Variants in CDH5 observed in about 807,000 individuals in gnomAD.
The protein encoded by CDH5 is cadherin 5, also known as cadherin-5.
A neutral mutation model predicts 62.0 loss-of-function variants in CDH5; 28 were observed. The ratio of observed to expected loss-of-function variants is 0.45; its 90% CI spans 0.33 to 0.62. The LOEUF (loss-of-function observed/expected upper bound fraction) is 0.62. CDH5 is among the 20% of genes least tolerant of loss of function. CDH5 has a pLI of 0.02. For missense variants in CDH5, 940 were observed against 1,065.1 expected, an observed-to-expected ratio of 0.88 and a Z score of 1.63; for synonymous variants, 464 against 445.8, an observed-to-expected ratio of 1.04 and a Z score of -0.52.
In CDH5 at chr16:66,389,469, C is replaced by T. The variant is rs1961044406; in HGVS notation, c.728C>T (p.Thr243Ile). The change falls in exon 5 of 12, where the codon ACC becomes ATC. Residue 243 changes from threonine (T) to isoleucine (I), a missense_variant. Physicochemically the swap from Thr to Ile is moderately conservative, Grantham distance 89 (BLOSUM62 -1). Coordinates refer to ENST00000341529, the MANE Select transcript of CDH5 (RefSeq NM_001795.5). ...QGLRGDSGTA[T>I]VLVTLQDIND... is the part of the protein sequence containing the mutation. ...CTCCGGGGGGACTCGGGCACGGCCA[C>T]CGTGCTGGTCACTCTGCAAGACATC... 6.2e-7 allele frequency: 1 copy of T among 1,612,442 alleles called. No individual in the cohort carries two copies. Among genetic ancestry groups the T allele is most frequent in the African/African-American group, 1.3e-5 (1 of 74,860 alleles).
intron 1 of CDH5, among the ~76,000 whole-genome samples, chr16:66,373,683 A>T (rs112678951): frequency 0.017 from 2,565 of 152,236 alleles, 73 homozygotes; most frequent in African/African-American, 0.058. Context: ...TCCCAAAGTT[A>T]GTGGCCAAAT....
chr16:66,380,523 G>A (rs566977946), intron 2 of CDH5, among the ~76,000 whole-genome samples: 24 of 151,730 alleles, frequency 1.6e-4, no homozygotes, highest in Non-Finnish European at 2.8e-4. Context: ...AGGGGTAGGT[G>A]GTGGCAGTGA....
rs370305306 is a variant in CDH5 at position 66,387,087 on chromosome 16, G to A, written c.489G>A (p.Ser163=). 2.9e-5 allele frequency: 46 copies of A among 1,610,232 alleles called. No homozygotes were observed. The Middle Eastern group carries it at 5.2e-4, about 18-fold the overall frequency. ...HRLFNASVPE[S]SAVGTSVISV... ...TGTTCAATGCGTCCGTGCCTGAGTC[G>A]TCGGCTGTGGGTACGTTGCATGCCC... Residue 163 remains serine (S), a synonymous_variant, in exon 3 of 12, where the codon TCG becomes TCA. Coordinates refer to ENST00000341529, the MANE Select transcript of CDH5 (RefSeq NM_001795.5).
intron 1 of CDH5, among the ~76,000 whole-genome samples, chr16:66,374,946 T>G (rs931721560): frequency 2.6e-5 from 4 of 151,174 alleles, no homozygotes; most frequent in Non-Finnish European, 4.4e-5. Flanking sequence ...ATCCCTCCCC[T>G]CTCCCCCCAC....
chr16:66,384,873 G>A (rs1227141425), intron 2 of CDH5, among the ~76,000 whole-genome samples: 1 of 152,154 alleles, frequency 6.6e-6, no homozygotes, highest in Non-Finnish European at 1.5e-5. Context: ...GGCTGAGGCA[G>A]AATAATCGCT....
At chr16:66,375,224 C>A (rs1440063648) in intron 1 of CDH5, among the ~76,000 whole-genome samples, 2 of 152,122 alleles carry the variant, frequency 1.3e-5, no homozygotes, top group Non-Finnish European at 2.9e-5. Context: ...TATCTAAATA[C>A]AGACAAGATA....
At chr16:66,397,192 T>C (rs1036286546) in intron 8 of CDH5, among the ~76,000 whole-genome samples, 1 of 152,210 alleles carries the variant, frequency 6.6e-6, no homozygotes, top group South Asian at 2.1e-4. Flanking sequence ...TACTTAACCT[T>C]ATTCCAGAAC....
chr16:66,385,571 G>A (rs1960969043), intron 2 of CDH5, among the ~76,000 whole-genome samples: 1 of 152,184 alleles, frequency 6.6e-6, no homozygotes, highest in East Asian at 1.9e-4. Flanking sequence ...AAGTTCTGAT[G>A]CGTAGCACTT....
chr16:66,391,198 G>T (rs1435230097), intron 6 of CDH5, among the ~76,000 whole-genome samples: 2 of 152,198 alleles, frequency 1.3e-5, no homozygotes, highest in African/African-American at 4.8e-5. Context: ...GTCCTTCTCT[G>T]AACCAGCCCC....
intron 2 of CDH5, among the ~76,000 whole-genome samples, chr16:66,379,910 A>G (rs1054121252): frequency 2.1e-5 from 3 of 142,894 alleles, no homozygotes; most frequent in Non-Finnish European, 4.6e-5. Context: ...GATGGTGGTG[A>G]TGATAAAGGG....
At chr16:66,392,663 T>A in intron 7 of CDH5, 1 of 425,946 alleles carries the variant, frequency 2.3e-6, no homozygotes, top group Non-Finnish European at 4.3e-6. Flanking sequence ...CTCTCACCAG[T>A]CCTATGTGGT....
At chr16:66,392,634 C>T (rs760474546) in intron 7 of CDH5, 19 of 518,468 alleles carry the variant, frequency 3.7e-5, no homozygotes, top group Non-Finnish European at 6.6e-5. Context: ...GCCTTGAAGG[C>T]TTATTCTCTG....
Position 66,402,853 on chromosome 16 carries a change from C to T in CDH5, c.2039C>T (p.Ala680Val). The change falls in exon 12 of 12, where the codon GCC becomes GTC. Residue 680 changes from alanine (A) to valine (V), a missense_variant. Transcript: ENST00000341529. ...GAKPPRPALD[A>V]RPSLYAQVQK... is the part of the protein sequence containing the mutation. Reference sequence around the variant, plus strand: ...AAGCCCCCGCGGCCCGCGCTGGACGCCCGGCCTTCCCTCTATGCGCAGGTG... The same window carrying T: ...AAGCCCCCGCGGCCCGCGCTGGACGTCCGGCCTTCCCTCTATGCGCAGGTG... 1 of 1,602,730 alleles carries T rather than the reference C, an allele frequency of 6.2e-7. No homozygotes were observed.
At chr16:66,398,428 T>C in intron 9 of CDH5, 28 bp from the exon 10 acceptor site, 2 of 1,393,788 alleles carry the variant, frequency 1.4e-6, no homozygotes, top group Non-Finnish European at 2.0e-6. Flanking sequence ...CCACCATCAC[T>C]GACCATCTCC....
In CDH5 at chr16:66,403,213, G is replaced by A; in HGVS notation, c.*44G>A. ...GGCCTGGGGACCCAAACCCCCTGCAGCCCAGGCCAGTCAGACGCCAGGCAC... is the reference window on the plus strand; with the variant it reads ...GGCCTGGGGACCCAAACCCCCTGCAACCCAGGCCAGTCAGACGCCAGGCAC... On this transcript the variant is annotated 3_prime_UTR_variant, in exon 12 of 12. Coordinates refer to ENST00000341529, the MANE Select transcript of CDH5 (RefSeq NM_001795.5). This position sits in a 1 kb window ranked among gnomAD's most constrained non-coding sequence, Gnocchi z 4.3. The A allele has an allele frequency of 1.3e-6, 2 of 1,550,762 alleles. No homozygotes were observed. Among genetic ancestry groups the A allele is most frequent in the Middle Eastern group, 1.7e-4 (1 of 5,794 alleles).
chr16:66,386,449 T>A (rs1960984617), intron 2 of CDH5, among the ~76,000 whole-genome samples: 1 of 151,950 alleles, frequency 6.6e-6, no homozygotes, highest in Non-Finnish European at 1.5e-5. Context: ...TCTTTTGGAG[T>A]CTCCAGTGTC....
chr16:66,393,512 G>A (rs2142334654), intron 7 of CDH5, among the ~76,000 whole-genome samples: 1 of 152,312 alleles, frequency 6.6e-6, no homozygotes, highest in South Asian at 2.1e-4. Flanking sequence ...CTGGTCTCAT[G>A]ATAACTCACT....
At chr16:66,377,376 G>A (rs1330903669) in intron 1 of CDH5, 1 of 152,222 alleles carries the variant, frequency 6.6e-6, no homozygotes, top group Non-Finnish European at 1.5e-5. Context: ...TGCATTCTGG[G>A]GCCTATCCCC....
intron 4 of CDH5, among the ~76,000 whole-genome samples, 165 bp downstream of exon 4, chr16:66,388,605 G>T (rs1202853547): frequency 6.6e-6 from 1 of 152,214 alleles, no homozygotes; most frequent in African/African-American, 2.4e-5. Flanking sequence ...AGACAAGGCG[G>T]CTGGTCAAGG....
Sources: allele counts gnomAD v4.1 joint callset (sites outside exome capture counted in the v4.1 genomes callset), GRCh38; gene constraint gnomAD v4.1.1; non-coding constraint Gnocchi (gnomAD v3.1); transcripts MANE v1.5; gene names NCBI Gene and HGNC (gene_info 2026-07-23, HGNC 2026-07-21).